Variants in MSRB3 observed in about 807,000 individuals in gnomAD.
MSRB3 encodes methionine-R-sulfoxide reductase B3.
Under a neutral mutation model 21.0 loss-of-function variants are expected in MSRB3, and 13 were observed. The ratio of observed to expected loss-of-function variants is 0.62; its 90% CI spans 0.40 to 0.98. The LOEUF (loss-of-function observed/expected upper bound fraction) is 0.98, where lower values mean the gene tolerates loss of function less well. Among genes scored for constraint, MSRB3 ranks in the 50% least tolerant of loss-of-function variants. MSRB3 has a pLI of 0.00. For missense variants in MSRB3, 199 were observed against 230.3 expected (o/e 0.86, Z 0.88); for synonymous variants, 87 against 88.6 (o/e 0.98, Z 0.10).
intron 4 of MSRB3, among the ~76,000 whole-genome samples, chr12:65,348,083 G>A (rs1211558187): frequency 1.3e-5 from 2 of 152,078 alleles, no homozygotes; most frequent in Non-Finnish European, 2.9e-5. Context: ...TTGGTATCAG[G>A]ATGATGCTGG....
In MSRB3 at chr12:65,307,138, A is replaced by G. The variant is rs1340281485; in HGVS notation, c.-51-1391A>G. 5 of 619,790 alleles carry G rather than the reference A, an allele frequency of 8.1e-6. No homozygotes were observed. In the Admixed American group the frequency reaches 2.5e-4, roughly 31 times the overall value. The allele number at this position is 619,790 out of a possible 1,614,324, so 38.4% of individuals were successfully genotyped here. On this transcript the variant is annotated intron_variant, in intron 1 of 6. Coordinates refer to ENST00000308259, the MANE Select transcript of MSRB3 (RefSeq NM_001031679.3). ...ATAGACCTTTGATCTTTTATTAGTCAGTAGTCTGCTCCAAAGGAATGCTCT... is the reference window on the plus strand; with the variant it reads ...ATAGACCTTTGATCTTTTATTAGTCGGTAGTCTGCTCCAAAGGAATGCTCT...
At chr12:65,354,882 T>C (rs553376496) in intron 4 of MSRB3, among the ~76,000 whole-genome samples, 61 of 151,994 alleles carry the variant, frequency 4.0e-4, no homozygotes, top group African/African-American at 1.3e-3. Flanking sequence ...GACAATGTGT[T>C]AAAATATTTA....
intron 5 of MSRB3, among the ~76,000 whole-genome samples, chr12:65,387,880 G>A (rs968904109): frequency 6.6e-6 from 1 of 151,994 alleles, no homozygotes; most frequent in Non-Finnish European, 1.5e-5. Context: ...ATTGTAATTA[G>A]TGTATGTCAG....
chr12:65,391,012 T>C (rs996841688), intron 5 of MSRB3, among the ~76,000 whole-genome samples: 4 of 152,234 alleles, frequency 2.6e-5, no homozygotes, highest in African/African-American at 7.2e-5. Context: ...AAGCTTTCAG[T>C]ATGTTCCAGT....
At chr12:65,280,881 C>T (rs1871975577) in intron 1 of MSRB3, among the ~76,000 whole-genome samples, 1 of 152,078 alleles carries the variant, frequency 6.6e-6, no homozygotes, top group South Asian at 2.1e-4. Context: ...AAAGACTATC[C>T]CAACAGTAAG....
chr12:65,304,205 G>A (rs1271872150), intron 1 of MSRB3, among the ~76,000 whole-genome samples: 3 of 152,120 alleles, frequency 2.0e-5, no homozygotes, highest in Non-Finnish European at 4.4e-5. Flanking sequence ...ATATTGGTTA[G>A]CATTTCCATG....
At chr12:65,296,463 A>T (rs566599339) in intron 1 of MSRB3, among the ~76,000 whole-genome samples, 3 of 152,388 alleles carry the variant, frequency 2.0e-5, no homozygotes, top group African/African-American at 7.2e-5. Context: ...AATGAAGTAC[A>T]TGTTATGATC....
intron 4 of MSRB3, among the ~76,000 whole-genome samples, chr12:65,362,991 C>T (rs965897031): frequency 6.6e-6 from 1 of 152,142 alleles, no homozygotes; most frequent in Non-Finnish European, 1.5e-5. Context: ...GAAGGGACAA[C>T]AGAGCAGATT....
chr12:65,300,021 A>G (rs941935426), intron 1 of MSRB3, among the ~76,000 whole-genome samples: 18 of 152,190 alleles, frequency 1.2e-4, no homozygotes, highest in Admixed American at 5.9e-4. Context: ...TTTTTCTATC[A>G]TCATGGCAAA....
At chr12:65,405,012 G>A (rs1245051903) in intron 5 of MSRB3, among the ~76,000 whole-genome samples, 2 of 151,332 alleles carry the variant, frequency 1.3e-5, no homozygotes, top group Non-Finnish European at 2.9e-5. Flanking sequence ...CTGGAGTGCA[G>A]TGGTGCAGTC....
chr12:65,422,236 T>TAG (rs1881338990), intron 5 of MSRB3, among the ~76,000 whole-genome samples: 1 of 151,662 alleles, frequency 6.6e-6, no homozygotes. Context: ...AGCAAGTCCT[T>TAG]AGAGACCTAC....
At chr12:65,441,693 A>G (rs1882387823) in intron 5 of MSRB3, among the ~76,000 whole-genome samples, 1 of 151,994 alleles carries the variant, frequency 6.6e-6, no homozygotes. Context: ...AAAGTGATAC[A>G]TATGTGACAA....
At chr12:65,345,099 G>A (rs1217946183) in intron 4 of MSRB3, among the ~76,000 whole-genome samples, 1 of 152,028 alleles carries the variant, frequency 6.6e-6, no homozygotes, top group Non-Finnish European at 1.5e-5. Flanking sequence ...TGCGAGATTG[G>A]TGAAAAGCTA....
rs201930475 is a variant in MSRB3 at position 65,345,972 on chromosome 12, T to A, written c.263+17369T>A. Among the ~76,000 whole-genome samples, 3 of 152,342 alleles carry A rather than the reference T, an allele frequency of 2.0e-5. No individual in the cohort carries two copies. In the East Asian group the frequency reaches 5.8e-4, roughly 29 times the overall value. On this transcript the variant is annotated intron_variant, in intron 4 of 6. Transcript: ENST00000308259. ...GTATATATGTGCCACATCTTGTTAA[T>A]CCAGTCTATCATTGTTGGACATTTG... is the stretch of plus-strand genomic sequence containing the variant.
intron 2 of MSRB3, among the ~76,000 whole-genome samples, chr12:65,323,967 C>A (rs1874853893): frequency 1.3e-5 from 2 of 152,112 alleles, no homozygotes; most frequent in African/African-American, 2.4e-5. Flanking sequence ...ATAGTTGTTT[C>A]TAGTCTACAT....
intron 5 of MSRB3, among the ~76,000 whole-genome samples, chr12:65,428,988 A>G (rs1397891818): frequency 6.6e-6 from 1 of 151,980 alleles, no homozygotes; most frequent in African/African-American, 2.4e-5. Context: ...TATTGTCTTT[A>G]TAATTTTTTT....
At chr12:65,373,748 T>C (rs7973013) in intron 5 of MSRB3, among the ~76,000 whole-genome samples, 99,359 of 151,800 alleles carry the variant, frequency 0.65, 32,602 homozygotes, top group Admixed American at 0.72. Context: ...AAGCCGAGAG[T>C]GTAGAAGGTT....
At chr12:65,360,338 C>T (rs1430482790) in intron 4 of MSRB3, among the ~76,000 whole-genome samples, 3 of 151,808 alleles carry the variant, frequency 2.0e-5, no homozygotes, top group Non-Finnish European at 1.5e-5. Flanking sequence ...AGATAAAAGG[C>T]CTTGACTTTA....
chr12:65,433,548 ACCATGGC>A (rs1881981208), intron 5 of MSRB3, among the ~76,000 whole-genome samples: 1 of 151,776 alleles, frequency 6.6e-6, no homozygotes, highest in Non-Finnish European at 1.5e-5. Context: ...GATACTTTAC[ACCATGGC>A]CCACAGACCT....
Sources: gnomAD v4.1 joint callset for allele counts (sites outside exome capture counted in the v4.1 genomes callset) on GRCh38, gnomAD v4.1.1 for gene constraint, MANE v1.5 for transcripts, NCBI Gene and HGNC (gene_info 2026-07-23, HGNC 2026-07-21) for gene names.